The following SETBP1 variants were observed in gnomAD, a reference collection of about 807,000 sequenced individuals.
SETBP1 encodes the protein SET-binding protein.
In SETBP1, 9 loss-of-function variants were observed where a neutral mutation model predicts 101.0. That is an observed-to-expected ratio of 0.09 (90% confidence interval 0.05 to 0.16). SETBP1 has a LOEUF of 0.16. Among genes scored for constraint, SETBP1 ranks in the 10% least tolerant of loss-of-function variants. The pLI is 1.00. For synonymous variants in SETBP1, 818 were observed against 788.5 expected (o/e 1.04, Z -0.63); for missense variants, 1,858 against 2,033.8 (o/e 0.91, Z 1.66).
chr18:45,024,771 T>A (rs2073132867), intron 4 of SETBP1, among the ~76,000 whole-genome samples: 1 of 152,098 alleles, frequency 6.6e-6, no homozygotes, highest in South Asian at 2.1e-4. Context: ...TAGAGGAGGG[T>A]TGAAAGAAAT....
At chr18:44,789,470 A>G (rs1465185481) in intron 2 of SETBP1, among the ~76,000 whole-genome samples, 1 of 152,228 alleles carries the variant, frequency 6.6e-6, no homozygotes, top group African/African-American at 2.4e-5. Flanking sequence ...TTATTGAAGA[A>G]TATAGAAAAA....
chr18:44,833,715 C>G (rs2072428698), intron 2 of SETBP1, among the ~76,000 whole-genome samples: 1 of 152,236 alleles, frequency 6.6e-6, no homozygotes, highest in South Asian at 2.1e-4. Context: ...TCTGCAAATG[C>G]TGCATTTCCT....
intron 2 of SETBP1, among the ~76,000 whole-genome samples, chr18:44,819,135 G>T (rs1246637741): frequency 6.8e-6 from 1 of 146,178 alleles, no homozygotes; most frequent in East Asian, 2.0e-4. Context: ...GAGAGTGGGA[G>T]TAGACTTCCC....
chr18:45,062,838 G>T (rs1467981244), intron 5 of SETBP1, among the ~76,000 whole-genome samples: 1 of 152,162 alleles, frequency 6.6e-6, no homozygotes, highest in Non-Finnish European at 1.5e-5. Flanking sequence ...TCACATAATT[G>T]TTGGGAGGAC....
At chr18:44,991,805 C>T (rs1426140732) in intron 4 of SETBP1, among the ~76,000 whole-genome samples, 1 of 152,108 alleles carries the variant, frequency 6.6e-6, no homozygotes, top group African/African-American at 2.4e-5. Flanking sequence ...AATAAACACG[C>T]ATAAGTGCTA....
intron 5 of SETBP1, among the ~76,000 whole-genome samples, chr18:45,056,696 T>C (rs1368428500): frequency 6.6e-6 from 1 of 152,144 alleles, no homozygotes; most frequent in Non-Finnish European, 1.5e-5. Context: ...ACACCCTTCC[T>C]GAGAAGATTA....
At chr18:44,805,501 C>T (rs1428897860) in intron 2 of SETBP1, among the ~76,000 whole-genome samples, 1 of 151,968 alleles carries the variant, frequency 6.6e-6, no homozygotes, top group Non-Finnish European at 1.5e-5. Flanking sequence ...CAATTCTATG[C>T]TCAAATCTCA....
At chr18:44,833,061 C>T (rs2144472101) in intron 2 of SETBP1, among the ~76,000 whole-genome samples, 1 of 152,268 alleles carries the variant, frequency 6.6e-6, no homozygotes, top group Middle Eastern at 3.4e-3. Context: ...TGATTAGGGG[C>T]CTAAGATACT....
At chr18:44,898,227 C>G (rs2069954840) in intron 3 of SETBP1, among the ~76,000 whole-genome samples, 1 of 152,140 alleles carries the variant, frequency 6.6e-6, no homozygotes, top group Non-Finnish European at 1.5e-5. Context: ...ATATTTATAA[C>G]TCATGACCTT....
chr18:44,795,565 C>G (rs1056626183), intron 2 of SETBP1, among the ~76,000 whole-genome samples: 7 of 152,144 alleles, frequency 4.6e-5, no homozygotes, highest in Non-Finnish European at 8.8e-5. Flanking sequence ...TGATTATTAT[C>G]TGATGAAAAC....
At chr18:44,718,331 C>T (rs987898698) in intron 2 of SETBP1, among the ~76,000 whole-genome samples, 1 of 152,166 alleles carries the variant, frequency 6.6e-6, no homozygotes, top group Non-Finnish European at 1.5e-5. Context: ...TTGGGTTAGC[C>T]AGGGTCCCTC....
At chr18:44,741,316 C>T (rs904299520) in intron 2 of SETBP1, among the ~76,000 whole-genome samples, 1 of 152,140 alleles carries the variant, frequency 6.6e-6, no homozygotes. Context: ...GGATGATCAA[C>T]AGCAAATAGG....
chr18:44,751,406 C>A (rs942524665), intron 2 of SETBP1, among the ~76,000 whole-genome samples: 2 of 152,190 alleles, frequency 1.3e-5, no homozygotes, highest in African/African-American at 4.8e-5. Flanking sequence ...GTTATCAGAT[C>A]AGCAAGGGCA....
intron 2 of SETBP1, among the ~76,000 whole-genome samples, chr18:44,759,574 T>G (rs1427733255): frequency 6.6e-6 from 1 of 152,174 alleles, no homozygotes; most frequent in East Asian, 1.9e-4. Context: ...CCTTACAGAG[T>G]TTCAGTTCCC....
Position 44,949,863 on chromosome 18 carries a change from C to T in SETBP1, c.541-18C>T. ...CTCTCTCTCTGTCTCTCTCCCTCTC[C>T]ACTCCACCCACCCTTAGGCTTACGA... On this transcript the variant is annotated intron_variant, in intron 3 of 5. Transcript: ENST00000649279. The T allele has an allele frequency of 6.3e-7, 1 of 1,590,724 alleles. No individual in the cohort carries two copies. Among genetic ancestry groups the T allele is most frequent in the South Asian group, 1.1e-5 (1 of 90,624 alleles).
At chr18:44,839,241 C>T (rs2072562689) in intron 2 of SETBP1, among the ~76,000 whole-genome samples, 1 of 151,910 alleles carries the variant, frequency 6.6e-6, no homozygotes, top group South Asian at 2.1e-4. Context: ...AAATTGTGCT[C>T]CTTGGTGGGA....
chr18:44,844,499 C>T (rs1262138734), intron 2 of SETBP1, among the ~76,000 whole-genome samples: 1 of 152,160 alleles, frequency 6.6e-6, no homozygotes, highest in African/African-American at 2.4e-5. Context: ...GAGTGTGTTG[C>T]AGGAGGTTAA....
At chr18:44,709,566 C>T (rs929134648) in intron 2 of SETBP1, among the ~76,000 whole-genome samples, 6 of 152,264 alleles carry the variant, frequency 3.9e-5, no homozygotes, top group Non-Finnish European at 7.4e-5. Context: ...TGAAGTTGTC[C>T]GTTGGACACT....
At chr18:44,904,064 T>G (rs1020381380) in intron 3 of SETBP1, among the ~76,000 whole-genome samples, 2 of 152,190 alleles carry the variant, frequency 1.3e-5, no homozygotes, top group African/African-American at 4.8e-5. Context: ...CTCATACATA[T>G]TTGCTCAATG....
Sources: allele counts gnomAD v4.1 joint callset (sites outside exome capture counted in the v4.1 genomes callset), GRCh38; gene constraint gnomAD v4.1.1; transcripts MANE v1.5; gene names NCBI Gene and HGNC (gene_info 2026-07-23, HGNC 2026-07-21).